Variants in MAGI2 observed in about 807,000 individuals in gnomAD.
The protein encoded by MAGI2 is membrane associated guanylate kinase, WW and PDZ domain containing 2, also known as membrane-associated guanylate kinase, WW and PDZ domain-containing protein 2.
A neutral mutation model predicts 133.3 loss-of-function variants in MAGI2; 35 were observed. The ratio of observed to expected loss-of-function variants is 0.26; its 90% CI spans 0.20 to 0.35. MAGI2 has a LOEUF of 0.35. Ranked by LOEUF, MAGI2 falls within the 10% of genes least tolerant of loss-of-function variation. MAGI2 has a pLI of 1.00. For missense variants in MAGI2, 1,636 were observed against 1,863.4 expected (o/e 0.88, Z 2.25); for synonymous variants, 729 against 710.6 (o/e 1.03, Z -0.41).
At chr7:79,384,249 T>C (rs889545467) in intron 1 of MAGI2, among the ~76,000 whole-genome samples, 2 of 151,342 alleles carry the variant, frequency 1.3e-5, no homozygotes, top group Admixed American at 6.6e-5. Flanking sequence ...AAAGAAATGA[T>C]GTTAGAGAGG....
chr7:78,240,466 G>T (rs578098079), intron 10 of MAGI2, among the ~76,000 whole-genome samples: 1 of 152,250 alleles, frequency 6.6e-6, no homozygotes, highest in African/African-American at 2.4e-5. Context: ...CCATAAAAAA[G>T]AATAAAGTCC....
chr7:78,750,269 A>G (rs1337644169), intron 2 of MAGI2, among the ~76,000 whole-genome samples: 2 of 152,078 alleles, frequency 1.3e-5, no homozygotes, highest in Non-Finnish European at 2.9e-5. Context: ...ATTTTCTTTA[A>G]CCAGTCTATC....
intron 2 of MAGI2, among the ~76,000 whole-genome samples, chr7:78,871,178 G>A (rs1795002557): frequency 6.6e-6 from 1 of 152,128 alleles, no homozygotes; most frequent in South Asian, 2.1e-4. Context: ...GGGCGTGGTG[G>A]TGGGCGCCTG....
chr7:79,125,665 C>T (rs1459912628), intron 1 of MAGI2: 5 of 529,238 alleles, frequency 9.4e-6, no homozygotes, highest in African/African-American at 3.8e-5. Flanking sequence ...AACAATCAAT[C>T]TTTAAATTTT....
intron 1 of MAGI2, among the ~76,000 whole-genome samples, chr7:79,330,158 A>G (rs555631129): frequency 6.8e-6 from 1 of 147,984 alleles, no homozygotes; most frequent in Non-Finnish European, 1.5e-5. Context: ...ACTATAGCAC[A>G]TCAGTAACAA....
At chr7:78,495,217 C>T (rs1024014514) in intron 5 of MAGI2, among the ~76,000 whole-genome samples, 2 of 152,072 alleles carry the variant, frequency 1.3e-5, no homozygotes, top group Non-Finnish European at 2.9e-5. Flanking sequence ...CACCCACCAA[C>T]CTGTCATCCA....
intron 1 of MAGI2, among the ~76,000 whole-genome samples, chr7:79,436,602 A>G (rs1248629875): frequency 6.6e-6 from 1 of 152,176 alleles, no homozygotes; most frequent in Non-Finnish European, 1.5e-5. Context: ...TAAAATACTG[A>G]GCATGACTAA....
At chr7:79,023,712 T>C (rs186268167) in intron 1 of MAGI2, among the ~76,000 whole-genome samples, 2 of 152,112 alleles carry the variant, frequency 1.3e-5, no homozygotes, top group Non-Finnish European at 2.9e-5. Context: ...GAGAGCCAAA[T>C]TGAGACTGCA....
At chr7:79,214,800 TA>T (rs549232881) in intron 1 of MAGI2, among the ~76,000 whole-genome samples, 3,497 of 142,756 alleles carry the variant, frequency 0.024, 67 homozygotes, top group East Asian at 0.039. Flanking sequence ...TTAATATAGA[TA>T]ATATATAAAT....
At chr7:78,414,600 CT>C (rs1562962684) in intron 6 of MAGI2, among the ~76,000 whole-genome samples, 200 of 151,332 alleles carry the variant, frequency 1.3e-3, no homozygotes, top group African/African-American at 4.7e-3. Flanking sequence ...TTTTTTTTTC[CT>C]TAACACACAC....
chr7:79,101,384 T>C (rs954746870), intron 1 of MAGI2, among the ~76,000 whole-genome samples: 4 of 152,092 alleles, frequency 2.6e-5, no homozygotes, highest in Non-Finnish European at 5.9e-5. Context: ...ATCACAGTGA[T>C]AAAAGTAAGA....
intron 2 of MAGI2, among the ~76,000 whole-genome samples, chr7:78,644,109 G>T (rs147675123): frequency 6.6e-6 from 1 of 151,834 alleles, no homozygotes; most frequent in African/African-American, 2.4e-5. Flanking sequence ...TAATAAAGGA[G>T]TCAATTCCTT....
At chr7:78,138,625 TCACA>T (rs202115434) in intron 16 of MAGI2, among the ~76,000 whole-genome samples, 4,738 of 129,398 alleles carry the variant, frequency 0.037, 152 homozygotes, top group East Asian at 0.11. Flanking sequence ...AAACATAGAT[TCACA>T]CACACACACA....
intron 1 of MAGI2, among the ~76,000 whole-genome samples, chr7:79,146,372 T>C (rs1822621937): frequency 1.3e-5 from 2 of 152,196 alleles, no homozygotes; most frequent in South Asian, 2.1e-4. Context: ...ATTTTGGAAG[T>C]TGCCTCTTAT....
chr7:78,746,874 A>G (rs1250064322), intron 2 of MAGI2, among the ~76,000 whole-genome samples: 2 of 152,216 alleles, frequency 1.3e-5, no homozygotes, highest in Non-Finnish European at 2.9e-5. Flanking sequence ...TGCATAAACT[A>G]TAATCTGGCA....
chr7:78,417,477 C>T (rs1224887754), intron 6 of MAGI2, among the ~76,000 whole-genome samples: 1 of 152,054 alleles, frequency 6.6e-6, no homozygotes, highest in African/African-American at 2.4e-5. Flanking sequence ...GTTAGTGCCA[C>T]ATCTACAATC....
intron 2 of MAGI2, among the ~76,000 whole-genome samples, chr7:78,717,877 C>T (rs1302621415): frequency 6.6e-6 from 1 of 152,128 alleles, no homozygotes; most frequent in Non-Finnish European, 1.5e-5. Context: ...AGCATAAGTA[C>T]TAATATAAGC....
At chr7:78,140,985 C>T (rs901829628) in intron 16 of MAGI2, among the ~76,000 whole-genome samples, 3 of 152,106 alleles carry the variant, frequency 2.0e-5, no homozygotes, top group Non-Finnish European at 4.4e-5. Context: ...ATCCTGAGTC[C>T]AGGTGTAGAC....
intron 1 of MAGI2, among the ~76,000 whole-genome samples, chr7:79,123,022 G>A (rs1485900808): frequency 6.6e-6 from 1 of 152,126 alleles, no homozygotes; most frequent in African/African-American, 2.4e-5. Context: ...GAGCTGAAAT[G>A]TTCATTAAGA....
Sources: gnomAD v4.1 joint callset for allele counts (sites outside exome capture counted in the v4.1 genomes callset) on GRCh38, gnomAD v4.1.1 for gene constraint, MANE v1.5 for transcripts, NCBI Gene and HGNC (gene_info 2026-07-23, HGNC 2026-07-21) for gene names.